Variants in MYO16 observed in about 807,000 individuals in gnomAD.
MYO16 encodes myosin XVI.
A neutral mutation model predicts 205.3 loss-of-function variants in MYO16; 94 were observed. That is an observed-to-expected ratio of 0.46 (90% CI 0.39 to 0.54). MYO16 has a LOEUF of 0.54. Ranked by LOEUF, MYO16 falls within the 20% of genes least tolerant of loss-of-function variation. MYO16 has a pLI of 0.00. For synonymous variants in MYO16, 988 were observed against 954.0 expected (o/e 1.04, Z -0.66); for missense variants, 2,315 against 2,387.5 (o/e 0.97, Z 0.63).
At chr13:108,756,912 T>A (rs1885439200) in intron 4 of MYO16, among the ~76,000 whole-genome samples, 1 of 152,202 alleles carries the variant, frequency 6.6e-6, no homozygotes, top group South Asian at 2.1e-4. Flanking sequence ...CCTATACTGT[T>A]TTACAACACA....
At chr13:108,934,478 A>G (rs535017001) in intron 16 of MYO16, among the ~76,000 whole-genome samples, 1 of 152,166 alleles carries the variant, frequency 6.6e-6, no homozygotes, top group South Asian at 2.1e-4. Flanking sequence ...TAAGTTCCTT[A>G]TAGATTCTGA....
intron 34 of MYO16, among the ~76,000 whole-genome samples, chr13:109,205,424 T>C (rs1355931118): frequency 1.3e-5 from 2 of 152,186 alleles, no homozygotes; most frequent in African/African-American, 2.4e-5. Flanking sequence ...GCATAACCAC[T>C]TGTGTTCTGT....
chr13:108,677,742 A>G (rs1882294899), intron 2 of MYO16, among the ~76,000 whole-genome samples: 1 of 152,180 alleles, frequency 6.6e-6, no homozygotes, highest in African/African-American at 2.4e-5. Context: ...TAATGGCAAA[A>G]CATGAAATCT....
intron 21 of MYO16, among the ~76,000 whole-genome samples, chr13:108,995,359 A>C (rs1463893555): frequency 6.6e-6 from 1 of 152,144 alleles, no homozygotes; most frequent in Non-Finnish European, 1.5e-5. Context: ...CCACCTTCTA[A>C]TCCCATCACT....
chr13:108,914,253 T>C (rs559972337), intron 16 of MYO16, among the ~76,000 whole-genome samples: 1 of 150,622 alleles, frequency 6.6e-6, no homozygotes, highest in East Asian at 1.9e-4. Flanking sequence ...TTTACTATAT[T>C]ATATGTAGTA....
At chr13:108,498,926 C>G in the MYO16 span, among the ~76,000 whole-genome samples, 1 of 152,340 alleles carries the variant, frequency 6.6e-6, no homozygotes, top group Admixed American at 6.5e-5. Flanking sequence ...TGGTCCTTCT[C>G]CTTCTCACAG....
At chr13:108,965,553 T>A (rs1189228186) in intron 20 of MYO16, among the ~76,000 whole-genome samples, 3 of 152,140 alleles carry the variant, frequency 2.0e-5, no homozygotes, top group Non-Finnish European at 4.4e-5. Context: ...ATTACAGGCA[T>A]GCGCCACCAC....
chr13:108,617,943 A>G lies in MYO16; in HGVS notation c.-39+21704A>G, dbSNP rs541993252. On this transcript the variant is annotated intron_variant, in intron 1 of 24. Transcript: ENST00000251041. ...CTCTCCTTTCCCTCACCAGATAGGC[A>G]GATGGCCTCACCAAACACCCAAGCA... Among the ~76,000 whole-genome samples the G allele has an allele frequency of 3.1e-4, 47 of 152,206 alleles. 1 individual carries two copies. Among genetic ancestry groups the G allele is most frequent in the Admixed American group, 1.8e-3 (28 of 15,288 alleles).
chr13:108,653,998 CT>C (rs1163380289), intron 1 of MYO16, among the ~76,000 whole-genome samples: 2 of 152,040 alleles, frequency 1.3e-5, no homozygotes, highest in Non-Finnish European at 2.9e-5. Flanking sequence ...ATCCACTTTG[CT>C]TTAGGGTACA....
chr13:108,756,813 A>G (rs1026719884), intron 4 of MYO16, among the ~76,000 whole-genome samples: 3 of 152,088 alleles, frequency 2.0e-5, no homozygotes, highest in Non-Finnish European at 4.4e-5. Flanking sequence ...TGTTTTACCA[A>G]CTCTCTTGGC....
At position 109,140,992 on chromosome 13, in the gene MYO16, A is replaced by ACGCCGCCCCCGC; in HGVS notation, c.4782_4793dup (p.Pro1599_Pro1602dup). 7.5e-7 allele frequency: 1 copy of ACGCCGCCCCCGC among 1,339,710 alleles called. No individual in the cohort carries two copies. The highest frequency in any genetic ancestry group is 9.6e-7 in the Non-Finnish European group (1 of 1,043,096). The allele number at this position is 1,339,710 out of a possible 1,614,324, so 83.0% of individuals were successfully genotyped here. A position where few individuals can be genotyped will look rare whatever the true frequency, so the allele number is the denominator to read the frequency against. ...GTCCGGCCGAGCCTCCCCGCCGTCC[A>ACGCCGCCCCCGC]CGCCGCCCCCGCCCCCGCCCCCGCC... On this transcript the variant is annotated inframe_insertion, in exon 32 of 35. Transcript: ENST00000457511. The surrounding 1 kb of genome is among the most constrained non-coding windows in gnomAD (Gnocchi z 8.0).
chr13:108,666,145 A>C lies in MYO16; in HGVS notation c.288A>C (p.Lys96Asn). The part of the protein sequence containing the change: ...LQDAIIHHND[K>N]EVLRLLKEGA... ...ACGCGATTATCCACCACAATGACAA[A>C]GAAGGTACATGATAAGAAAGAAGGA... Residue 96 changes from lysine (K) to asparagine (N), a missense_variant, in exon 2 of 35, where the codon AAA (lysine) becomes AAC (asparagine). By Grantham distance (94) the Lys-to-Asn change is moderately conservative. Around this residue, in one of 3 missense-constraint regions of MYO16, gnomAD observed 1,213 missense variants for 1,274.4 expected, o/e 0.95. Transcript: ENST00000457511. 1 of 1,598,460 alleles carries C rather than the reference A, an allele frequency of 6.3e-7. No individual in the cohort carries two copies. Among genetic ancestry groups the C allele is most frequent in the South Asian group, 1.1e-5 (1 of 90,652 alleles).
chr13:108,651,514 T>C (rs1467820363), intron 1 of MYO16, among the ~76,000 whole-genome samples: 1 of 152,234 alleles, frequency 6.6e-6, no homozygotes, highest in African/African-American at 2.4e-5. Flanking sequence ...AAAGTAAATA[T>C]ACCTTACATT....
At chr13:108,816,550 G>A (rs1376149177) in intron 7 of MYO16, among the ~76,000 whole-genome samples, 2 of 152,258 alleles carry the variant, frequency 1.3e-5, no homozygotes, top group African/African-American at 2.4e-5. Context: ...CAACCGCAAG[G>A]TCACACGATC....
Position 108,894,088 on chromosome 13 carries a change from C to T in MYO16, c.1660-3928C>T, listed in dbSNP as rs532406356. 1.5e-4 allele frequency among the ~76,000 whole-genome samples: 23 copies of T among 152,206 alleles called. No homozygotes were observed. The East Asian group carries it at 3.7e-3, about 24-fold the overall frequency. On this transcript the variant is annotated intron_variant, in intron 14 of 34. Transcript: ENST00000457511. ...AGGTGAAGAAGAAAGAAGCAAGGCACATCTTACATGATGGCAGGAGAGAGA... is the reference window on the plus strand; with the variant it reads ...AGGTGAAGAAGAAAGAAGCAAGGCATATCTTACATGATGGCAGGAGAGAGA...
At chr13:109,023,832 T>G (rs982297844) in intron 23 of MYO16, among the ~76,000 whole-genome samples, 2 of 136,744 alleles carry the variant, frequency 1.5e-5, no homozygotes, top group Non-Finnish European at 3.0e-5. Flanking sequence ...ATATTTGCAT[T>G]TATTAGATAT....
At chr13:108,881,402 A>AG (rs1309025818) in intron 12 of MYO16, among the ~76,000 whole-genome samples, 4 of 152,252 alleles carry the variant, frequency 2.6e-5, no homozygotes, top group Admixed American at 6.5e-5. Context: ...AAAGGAACGC[A>AG]GCTCCTCGCC....
At chr13:108,971,191 C>T (rs539346872) in intron 20 of MYO16, among the ~76,000 whole-genome samples, 13 of 152,020 alleles carry the variant, frequency 8.6e-5, no homozygotes, top group Non-Finnish European at 1.9e-4. Flanking sequence ...TATTGTTTTT[C>T]CTCATTTGAA....
chr13:108,530,073 A>G, the MYO16 span, among the ~76,000 whole-genome samples: 2 of 152,138 alleles, frequency 1.3e-5, no homozygotes, highest in Non-Finnish European at 2.9e-5. Context: ...TCTGCTCCCA[A>G]GTGAGCTCAG....
Sources: allele counts gnomAD v4.1 joint callset (sites outside exome capture counted in the v4.1 genomes callset), GRCh38; gene constraint gnomAD v4.1.1; regional missense constraint gnomAD v4.1.1; non-coding constraint Gnocchi (gnomAD v3.1); transcripts MANE v1.5; gene names NCBI Gene and HGNC (gene_info 2026-07-23, HGNC 2026-07-21).